DGKG: variants seen among roughly 807,000 people sequenced by gnomAD.
The protein encoded by DGKG is diacylglycerol kinase gamma.
Under a neutral mutation model 105.3 loss-of-function variants are expected in DGKG, and 78 were observed. That is an observed-to-expected ratio of 0.74 (90% CI 0.62 to 0.89). The LOEUF (loss-of-function observed/expected upper bound fraction) is 0.89. DGKG is among the 40% of genes least tolerant of loss of function. DGKG has a pLI of 0.00. For missense variants in DGKG, 958 were observed against 1,020.1 expected (o/e 0.94, Z 0.83); for synonymous variants, 346 against 367.1 (o/e 0.94, Z 0.66).
Position 186,203,751 on chromosome 3 carries a change from C to T in DGKG, c.1917+8044G>A, listed in dbSNP as rs1046674510. On this transcript the variant is annotated intron_variant, in intron 21 of 24. Transcript: ENST00000265022. This position sits in a 1 kb window ranked among gnomAD's most constrained non-coding sequence, Gnocchi z 4.9. ...ATCAGGTTGGCCCTCTTATTTTCCA[C>T]GAACTCAAAATCCCTTCTAATGCTC... 2.6e-5 allele frequency among the ~76,000 whole-genome samples: 4 copies of T among 152,242 alleles called. No homozygotes were observed. Among genetic ancestry groups the T allele is most frequent in the African/African-American group, 7.2e-5 (3 of 41,468 alleles).
chr3:186,214,926 G>A (rs1719204197), intron 20 of DGKG, among the ~76,000 whole-genome samples: 1 of 152,188 alleles, frequency 6.6e-6, no homozygotes, highest in Middle Eastern at 3.2e-3. Flanking sequence ...GGATGTAGAA[G>A]GCAAACAGGG....
chr3:186,265,288 A>G lies in DGKG; in HGVS notation c.1228T>C (p.Ser410Pro), dbSNP rs191031483. The G allele has an allele frequency of 7.4e-6, 12 of 1,614,248 alleles. No homozygotes were observed. The East Asian group carries it at 2.5e-4, about 33-fold the overall frequency. Reference sequence around the variant, plus strand: ...CCCTTGGCGGACACGCAGCCATCAGACTTCTCACCTGGCCTGTCCTGTGAC... The same window carrying G: ...CCCTTGGCGGACACGCAGCCATCAGGCTTCTCACCTGGCCTGTCCTGTGAC... ...PITRDRPGEK[S>P]DGCVSAKGEL... The change falls in exon 14 of 25, where the codon TCT becomes CCT. Residue 410 changes from serine (S) to proline (P), a missense_variant. Transcript: ENST00000265022.
At chr3:186,161,775 G>A in intron 23 of DGKG, 112 bp from the exon 24 acceptor site, 3 of 1,502,998 alleles carry the variant, frequency 2.0e-6, no homozygotes, top group Non-Finnish European at 2.7e-6. Context: ...ACCTAAGTGT[G>A]GTTCTCTAAG....
intron 20 of DGKG, among the ~76,000 whole-genome samples, chr3:186,214,489 G>A (rs1278147164): frequency 6.6e-6 from 1 of 152,120 alleles, no homozygotes; most frequent in African/African-American, 2.4e-5. Context: ...AGATAAGGAT[G>A]TGTAGCTATA....
At chr3:186,287,086 GA>G (rs1723105624) in intron 6 of DGKG, among the ~76,000 whole-genome samples, 1 of 140,034 alleles carries the variant, frequency 7.1e-6, no homozygotes, top group South Asian at 2.3e-4. Context: ...AAAAGATGGA[GA>G]GGGATCCAAA....
intron 3 of DGKG, among the ~76,000 whole-genome samples, chr3:186,305,458 A>G (rs1340914852): frequency 6.6e-6 from 1 of 152,172 alleles, no homozygotes; most frequent in Admixed American, 6.5e-5. Context: ...GTAGCAAGAG[A>G]TGAGGTCAGA....
chr3:186,258,033 G>A (rs1052781465), intron 16 of DGKG, 94 bp from the exon 17 acceptor site: 5 of 917,922 alleles, frequency 5.4e-6, no homozygotes, highest in Admixed American at 1.9e-5. Flanking sequence ...TTCCCCAGGA[G>A]TATGTTAAGA....
chr3:186,356,541 A>C (rs1267027167), intron 1 of DGKG, among the ~76,000 whole-genome samples: 2 of 152,330 alleles, frequency 1.3e-5, no homozygotes, highest in East Asian at 3.9e-4. Context: ...TAGATTCTTA[A>C]TTAGACCTTA....
At chr3:186,290,561 C>A (rs1342798369) in intron 5 of DGKG, among the ~76,000 whole-genome samples, 3 of 152,140 alleles carry the variant, frequency 2.0e-5, no homozygotes, top group Non-Finnish European at 4.4e-5. Flanking sequence ...CAGGGAGGAC[C>A]AAACACTGAT....
At chr3:186,160,398 T>C (rs1291735407) in intron 24 of DGKG, 1 of 985,236 alleles carries the variant, frequency 1.0e-6, no homozygotes, top group African/African-American at 1.7e-5. Flanking sequence ...CTCAGTTCCA[T>C]CAAATGATAA....
intron 21 of DGKG, among the ~76,000 whole-genome samples, chr3:186,200,549 T>C (rs1718402433): frequency 6.6e-6 from 1 of 152,184 alleles, no homozygotes; most frequent in Non-Finnish European, 1.5e-5. Context: ...GAGTCTTTTG[T>C]GGAGTGGTAA....
intron 3 of DGKG, among the ~76,000 whole-genome samples, chr3:186,303,426 C>T (rs918579522): frequency 6.6e-6 from 1 of 152,154 alleles, no homozygotes; most frequent in Non-Finnish European, 1.5e-5. Context: ...GCAATTTGCT[C>T]CTGCTGCAAC....
chr3:186,280,156 C>T (rs1226814834), intron 8 of DGKG, among the ~76,000 whole-genome samples, 183 bp from the exon 9 acceptor site: 1 of 152,194 alleles, frequency 6.6e-6, no homozygotes, highest in Non-Finnish European at 1.5e-5. Context: ...TGGCTCTGCC[C>T]TTGGGCCTTG....
At chr3:186,207,874 C>T (rs1718823977) in intron 21 of DGKG, among the ~76,000 whole-genome samples, 1 of 152,178 alleles carries the variant, frequency 6.6e-6, no homozygotes, top group Admixed American at 6.5e-5. Flanking sequence ...TATTGAACAG[C>T]TTTTGTGTGT....
In DGKG at chr3:186,150,104, G is replaced by A. The variant is rs774513085; in HGVS notation, c.2362C>T (p.Arg788Cys). ...SSFFSLRRKSRSKD is the reference protein window; with the variant it reads ...SSFFSLRRKSCSKD ...TGGCACACTGTTTAGTCTTTTGAAC[G>A]GCTCTTCCTTCTCAACGAGAAGAAG... Residue 788 changes from arginine (R) to cysteine (C), a missense_variant, in exon 25 of 25, where the codon CGT becomes TGT. By Grantham distance (180) the Arg-to-Cys change is radical (BLOSUM62 -3). Transcript: ENST00000265022. 1.2e-5 allele frequency: 19 copies of A among 1,613,260 alleles called. No homozygotes were observed. Among genetic ancestry groups the A allele is most frequent in the African/African-American group, 2.7e-5 (2 of 74,894 alleles).
chr3:186,329,210 T>C (rs944478046), intron 1 of DGKG, among the ~76,000 whole-genome samples: 3 of 152,244 alleles, frequency 2.0e-5, no homozygotes, highest in Admixed American at 6.5e-5. Context: ...GAGTATTTTA[T>C]GTCTCTACAG....
intron 21 of DGKG, among the ~76,000 whole-genome samples, chr3:186,206,315 C>T (rs372741295): frequency 4.0e-5 from 6 of 151,266 alleles, no homozygotes; most frequent in African/African-American, 4.9e-5. Flanking sequence ...ACCTGGGAGG[C>T]GGAGGTTGCA....
At chr3:186,160,331 AC>A in intron 24 of DGKG, 1 of 984,954 alleles carries the variant, frequency 1.0e-6, no homozygotes, top group Non-Finnish European at 1.2e-6. Context: ...GATTTCTTCC[AC>A]CTTTTTTTTT....
At chr3:186,280,846 A>G (rs1722800007) in intron 7 of DGKG, 102 bp from the exon 8 acceptor site, 2 of 920,896 alleles carry the variant, frequency 2.2e-6, no homozygotes, top group South Asian at 3.0e-5. Flanking sequence ...GGGACAGGGC[A>G]GGGCAAGAGA....
Sources: allele counts gnomAD v4.1 joint callset (sites outside exome capture counted in the v4.1 genomes callset), GRCh38; gene constraint gnomAD v4.1.1; non-coding constraint Gnocchi (gnomAD v3.1); transcripts MANE v1.5; gene names NCBI Gene and HGNC (gene_info 2026-07-23, HGNC 2026-07-21).